MGAM: variants seen among roughly 807,000 people sequenced by gnomAD.
MGAM encodes alpha-1,4-glucosidase.
MGAM carries 253 observed loss-of-function variants against 358.8 expected under a neutral mutation model. That is an observed-to-expected ratio of 0.71 (90% CI 0.64 to 0.78). MGAM has a LOEUF of 0.78. MGAM is among the 30% of genes least tolerant of loss of function. MGAM has a pLI of 0.00. For missense variants in MGAM, 3,080 were observed against 3,432.6 expected, an observed-to-expected ratio of 0.90 and a Z score of 2.57; for synonymous variants, 1,105 against 1,227.1, an observed-to-expected ratio of 0.90 and a Z score of 2.08.
At chr7:142,031,570 T>G (rs1187112774) in intron 12 of MGAM, 110 bp from the exon 13 acceptor site, 1 of 681,826 alleles carries the variant, frequency 1.5e-6, no homozygotes. Flanking sequence ...GATATGTTCC[T>G]GGGTACCTCG....
Position 142,078,307 on chromosome 7 carries a change from C to A in MGAM, c.5494-11C>A. 1 of 1,441,106 alleles carries A rather than the reference C, an allele frequency of 6.9e-7. No individual in the cohort carries two copies. Among genetic ancestry groups the A allele is most frequent in the Non-Finnish European group, 9.3e-7 (1 of 1,070,372 alleles). 89.3% of individuals were successfully genotyped at this position (1,441,106 alleles called of 1,614,324 possible). ...AAGATGAATTTCCTTGTGATTTCTG[C>A]ATTCCTACAGGTCGCCATTATCACA... On this transcript the variant is annotated splice_polypyrimidine_tract_variant and intron_variant, in intron 47 of 70. Coordinates refer to ENST00000475668, the MANE Select transcript of MGAM (RefSeq NM_001365693.1).
chr7:142,102,066 T>G (rs1816494218), intron 68 of MGAM, among the ~76,000 whole-genome samples: 2 of 152,122 alleles, frequency 1.3e-5, no homozygotes, highest in South Asian at 4.2e-4. Flanking sequence ...TGTGCTGAAC[T>G]TCATATTCTT....
chr7:142,034,716 C>T lies in MGAM; in HGVS notation c.1834C>T (p.Arg612Cys), dbSNP rs782122165. 5.1e-5 allele frequency: 82 copies of T among 1,613,442 alleles called. No homozygotes were observed. Among genetic ancestry groups the T allele is most frequent in the South Asian group, 9.9e-5 (9 of 91,078 alleles). ...FPNKRSFILT[R>C]STFAGSGKFA... ...TAATAAGAGAAGCTTCATTCTGACCCGTTCTACCTTTGCGGGCTCTGGCAA... is the reference window on the plus strand; with the variant it reads ...TAATAAGAGAAGCTTCATTCTGACCTGTTCTACCTTTGCGGGCTCTGGCAA... Residue 612 changes from arginine (R) to cysteine (C), a missense_variant, in exon 16 of 71, where the codon CGT (arginine) becomes TGT (cysteine). Around this residue, in one of 5 missense-constraint regions of MGAM, gnomAD observed 1,816 missense variants for 1,840.5 expected, o/e 0.99. Coordinates refer to ENST00000475668, the MANE Select transcript of MGAM (RefSeq NM_001365693.1).
intron 29 of MGAM, among the ~76,000 whole-genome samples, chr7:142,056,361 C>T (rs1585024682): frequency 1.3e-5 from 2 of 152,144 alleles, no homozygotes; most frequent in East Asian, 3.9e-4. Context: ...TGGAGGGCAG[C>T]TCGTGAGAGC....
intron 60 of MGAM, among the ~76,000 whole-genome samples, 193 bp from the exon 61 acceptor site, chr7:142,094,171 G>T (rs1388551108): frequency 6.8e-6 from 1 of 146,222 alleles, no homozygotes; most frequent in Non-Finnish European, 1.5e-5. Flanking sequence ...TCTTTGTAAA[G>T]CACTGTGAGA....
At chr7:142,019,151 C>T (rs1358305) in intron 3 of MGAM, 48 bp from the exon 4 acceptor site, 195,742 of 1,582,026 alleles carry the variant, frequency 0.12, 13,129 homozygotes, top group East Asian at 0.21. Context: ...TATAAATGAT[C>T]ATGTTCTACA....
chr7:142,078,138 A>G (rs1490627100), intron 47 of MGAM, among the ~76,000 whole-genome samples, 180 bp from the exon 48 acceptor site: 1 of 146,290 alleles, frequency 6.8e-6, no homozygotes, highest in Non-Finnish European at 1.5e-5. Context: ...TTACTGCTAA[A>G]TAGATTCCCC....
chr7:142,037,060 GA>G (rs1288091422), intron 18 of MGAM, 83 bp downstream of exon 18: 14 of 1,396,094 alleles, frequency 1.0e-5, no homozygotes, highest in Non-Finnish European at 1.4e-5. Flanking sequence ...AGTGAAAACT[GA>G]AACAATTCAG....
rs756143700 is a variant in MGAM, at chr7:142,078,953, T to C, written c.5792T>C (p.Val1931Ala). 8.2e-5 allele frequency: 128 copies of C among 1,555,922 alleles called. 15 individuals carry two copies. The highest frequency in any genetic ancestry group is 3.4e-5 in the Non-Finnish European group (39 of 1,132,456). ...GCCAATGCCTTCCCTTCCACACCCGTGAACCCCCTTCGCCTGGATGTCACT... is the reference window on the plus strand; with the variant it reads ...GCCAATGCCTTCCCTTCCACACCCGCGAACCCCCTTCGCCTGGATGTCACT... Reference protein sequence around the residue: ...VHANAFPSTPVNPLRLDVTYH... With the variant: ...VHANAFPSTPANPLRLDVTYH... Residue 1931 changes from valine (V) to alanine (A), a missense_variant, in exon 49 of 71, where the codon GTG becomes GCG. Val to Ala is a moderately conservative substitution (Grantham distance 64). Transcript: ENST00000475668.
chr7:142,088,922 TTCTG>T lies in MGAM; in HGVS notation c.6810+2209_6810+2212del, dbSNP rs1388362478. 1.3e-4 allele frequency among the ~76,000 whole-genome samples: 18 copies of T among 143,838 alleles called. 1 individual carries two copies. The highest frequency in any genetic ancestry group is 3.0e-4 in the African/African-American group (12 of 40,626). The allele number at this position is 143,838 out of a possible 152,430, so 94.4% of individuals were successfully genotyped here. A position where few individuals can be genotyped will look rare whatever the true frequency, so the allele number is the denominator to read the frequency against. On this transcript the variant is annotated intron_variant, in intron 57 of 70. Transcript: ENST00000475668. ...CTCACCCTATCTATCCAAATCCCTC[TTCTG>T]TCTATCATTTATCTACCTATTTATA...
In MGAM at chr7:142,085,806, C is replaced by T. The variant is rs1585083079; in HGVS notation, c.6508-27C>T. The stretch of plus-strand genomic sequence containing the variant: ...AAGCTTGGGCGTGTACAGCAGCAGC[C>T]TCTCAGCTCCCCATGTCCTCCCGCA... On this transcript the variant is annotated intron_variant, in intron 54 of 70. Transcript: ENST00000475668. 9 of 1,559,356 alleles carry T rather than the reference C, an allele frequency of 5.8e-6. 1 individual carries two copies. The highest frequency in any genetic ancestry group is 1.7e-4 in the Middle Eastern group (1 of 5,952).
intron 31 of MGAM, 123 bp downstream of exon 31, chr7:142,058,451 CAGTT>C (rs1049115392): frequency 1.0e-4 from 156 of 1,497,160 alleles, no homozygotes; most frequent in Non-Finnish European, 1.4e-4. Context: ...GACAATATCA[CAGTT>C]AGCCTCACCC....
intron 32 of MGAM, 92 bp from the exon 33 acceptor site, chr7:142,059,764 C>G: frequency 6.4e-7 from 1 of 1,566,178 alleles, no homozygotes; most frequent in Non-Finnish European, 8.7e-7. Context: ...AGGTAGAAGC[C>G]AGCGAGTTCA....
chr7:142,065,953 G>GTTTT lies in MGAM; in HGVS notation c.4770+123_4770+126dup, dbSNP rs1563188364. The GTTTT allele has an allele frequency of 1.3e-5, 10 of 774,526 alleles. 1 individual carries two copies. In the African/African-American group the frequency reaches 1.9e-4, roughly 15 times the overall value. 48.0% of individuals were successfully genotyped at this position (774,526 alleles called of 1,614,324 possible). On this transcript the variant is annotated intron_variant, in intron 40 of 70. Coordinates refer to ENST00000475668, the MANE Select transcript of MGAM (RefSeq NM_001365693.1). The stretch of plus-strand genomic sequence containing the variant: ...TCTTTAAAAAAAGGTGTTTTTTTTT[G>GTTTT]TTTTGTTTTGTTTTGTTTTTTTTTT...
Position 142,025,066 on chromosome 7 carries a change from A to G in MGAM, c.899A>G (p.Tyr300Cys), listed in dbSNP as rs186400912. 7 of 1,613,388 alleles carry G rather than the reference A, an allele frequency of 4.3e-6. No homozygotes were observed. In the East Asian group the frequency reaches 1.3e-4, roughly 31 times the overall value. ...TTTCTGCAGAACGGAACTAATTTGT[A>G]TGGTGCGCAGACATTCTTCTTGTGC... ...TTPNGNGTNLYGAQTFFLCLE... is the reference protein window; with the variant it reads ...TTPNGNGTNLCGAQTFFLCLE... The change falls in exon 8 of 71, where the codon TAT becomes TGT. Residue 300 changes from tyrosine to cysteine, a missense_variant. This residue lies in a region of MGAM where 1,816 missense variants were observed against 1,840.5 expected (regional missense o/e 0.99). Coordinates refer to ENST00000475668, the MANE Select transcript of MGAM (RefSeq NM_001365693.1).
At chr7:142,065,026 T>C (rs1563186670) in intron 37 of MGAM, among the ~76,000 whole-genome samples, 1 of 152,212 alleles carries the variant, frequency 6.6e-6, no homozygotes, top group Non-Finnish European at 1.5e-5. Context: ...ACCTTCACTG[T>C]GTTCCTTCTC....
At chr7:142,104,594 A>G (rs910727080) in intron 70 of MGAM, among the ~76,000 whole-genome samples, 1 of 152,156 alleles carries the variant, frequency 6.6e-6, no homozygotes, top group Admixed American at 6.5e-5. Context: ...TCTTGATCTT[A>G]CTAAATATTC....
chr7:142,034,847 C>T lies in MGAM; in HGVS notation c.1959+6C>T. 1 of 1,608,778 alleles carries T rather than the reference C, an allele frequency of 6.2e-7. No individual in the cohort carries two copies. Among genetic ancestry groups the T allele is most frequent in the Non-Finnish European group, 8.5e-7 (1 of 1,176,646 alleles). On this transcript the variant is annotated splice_donor_region_variant and intron_variant, in intron 16 of 70. Coordinates refer to ENST00000475668, the MANE Select transcript of MGAM (RefSeq NM_001365693.1). Reference sequence around the variant, plus strand: ...ACCTTTTTGGCATCCCAATGGTGAGCTGCTACCTCAAGCTCTCTTATGAAC... The same window carrying T: ...ACCTTTTTGGCATCCCAATGGTGAGTTGCTACCTCAAGCTCTCTTATGAAC...
chr7:142,091,200 T>C (rs1407667639), intron 57 of MGAM, among the ~76,000 whole-genome samples: 1 of 139,172 alleles, frequency 7.2e-6, no homozygotes, highest in Non-Finnish European at 1.6e-5. Flanking sequence ...TGAGCCGAGG[T>C]AGCACCACTG....
Sources: gnomAD v4.1 joint callset for allele counts (sites outside exome capture counted in the v4.1 genomes callset) on GRCh38, gnomAD v4.1.1 for gene constraint, gnomAD v4.1.1 regional missense constraint, MANE v1.5 for transcripts, NCBI Gene and HGNC (gene_info 2026-07-23, HGNC 2026-07-21) for gene names.